The following TTC6 variants were observed in gnomAD, a reference collection of about 807,000 sequenced individuals.
TTC6 encodes the protein tetratricopeptide repeat protein 6.
A neutral mutation model predicts 210.4 loss-of-function variants in TTC6; 172 were observed. The ratio of observed to expected loss-of-function variants is 0.82; its 90% CI spans 0.72 to 0.93. The LOEUF is 0.93. Among genes scored for constraint, TTC6 ranks in the 40% least tolerant of loss-of-function variants. The probability of loss-of-function intolerance (pLI) is 0.00; values close to 1 mark genes in which losing one functional copy is unlikely to be tolerated. For missense variants in TTC6, 2,414 were observed against 2,318.1 expected (o/e 1.04, Z -0.85); for synonymous variants, 804 against 819.6 (o/e 0.98, Z 0.32).
At chr14:37,601,656 T>C (rs887805392) in intron 1 of TTC6, among the ~76,000 whole-genome samples, 1 of 152,220 alleles carries the variant, frequency 6.6e-6, no homozygotes, top group African/African-American at 2.4e-5. Flanking sequence ...CCTGAGAACC[T>C]TGAGCTTCCA....
intron 3 of TTC6, among the ~76,000 whole-genome samples, chr14:37,693,657 A>G (rs1453711454): frequency 6.6e-6 from 1 of 152,112 alleles, no homozygotes; most frequent in African/African-American, 2.4e-5. Context: ...ACAAAAACAA[A>G]AAATCTGGAG....
chr14:37,800,570 T>A (rs1036499461), intron 20 of TTC6, among the ~76,000 whole-genome samples: 1 of 152,164 alleles, frequency 6.6e-6, no homozygotes, highest in Non-Finnish European at 1.5e-5. Context: ...GGCAGAGTAT[T>A]CAGTCACACT....
At chr14:37,597,286 GACTTTCAGTGCTAA>G (rs1281540096) in intron 1 of TTC6, among the ~76,000 whole-genome samples, 2 of 152,086 alleles carry the variant, frequency 1.3e-5, no homozygotes, top group Non-Finnish European at 2.9e-5. Context: ...TGATCCGGGG[GACTTTCAGTGCTAA>G]TGAGCTTCCT....
At chr14:37,833,591 G>T (rs2096191055) in intron 29 of TTC6, among the ~76,000 whole-genome samples, 1 of 152,008 alleles carries the variant, frequency 6.6e-6, no homozygotes, top group African/African-American at 2.4e-5. Flanking sequence ...AATTTAAACT[G>T]GTTACATTCT....
chr14:37,722,604 A>G (rs1334312089), intron 6 of TTC6, among the ~76,000 whole-genome samples: 1 of 152,106 alleles, frequency 6.6e-6, no homozygotes, highest in Non-Finnish European at 1.5e-5. Flanking sequence ...TGGCCTCCCA[A>G]AGTTCTGGGA....
intron 10 of TTC6, among the ~76,000 whole-genome samples, chr14:37,741,237 A>G (rs773379470): frequency 1.6e-3 from 248 of 150,942 alleles, no homozygotes; most frequent in Non-Finnish European, 2.9e-3. Flanking sequence ...AACTTGAAAA[A>G]TAATTTTGTT....
At chr14:37,783,619 T>G (rs2139277578) in intron 14 of TTC6, among the ~76,000 whole-genome samples, 1 of 152,298 alleles carries the variant, frequency 6.6e-6, no homozygotes, top group Non-Finnish European at 1.5e-5. Flanking sequence ...ATTTTTTGTG[T>G]CTCTATCTCC....
At chr14:37,605,469 G>A (rs1285965349) in intron 1 of TTC6, among the ~76,000 whole-genome samples, 2 of 31,078 alleles carry the variant, frequency 6.4e-5, no homozygotes, top group African/African-American at 1.4e-4. Flanking sequence ...TGGTATGTGG[G>A]TGAGTGAGTA....
intron 25 of TTC6, among the ~76,000 whole-genome samples, chr14:37,816,243 C>T (rs1438741327): frequency 1.3e-5 from 2 of 152,192 alleles, no homozygotes; most frequent in African/African-American, 2.4e-5. Flanking sequence ...CCAGCAGGAT[C>T]TCTGAGTGCT....
In TTC6 at chr14:37,751,231, C is replaced by G; in HGVS notation, c.3129+6C>G. The G allele has an allele frequency of 6.6e-7, 1 of 1,514,524 alleles. No individual in the cohort carries two copies. The highest frequency in any genetic ancestry group is 8.8e-7 in the Non-Finnish European group (1 of 1,135,554). The allele number at this position is 1,514,524 out of a possible 1,614,324, so 93.8% of individuals were successfully genotyped here. On this transcript the variant is annotated splice_donor_region_variant and intron_variant, in intron 13 of 30. Transcript: ENST00000553443. Reference sequence around the variant, plus strand: ...CCATTGATGACTTTTCGAAAGTAAGCTTTATCACATATAATTCTACCATTT... The same window carrying G: ...CCATTGATGACTTTTCGAAAGTAAGGTTTATCACATATAATTCTACCATTT...
intron 1 of TTC6, among the ~76,000 whole-genome samples, chr14:37,651,037 T>C (rs1244165920): frequency 6.6e-6 from 1 of 152,180 alleles, no homozygotes; most frequent in African/African-American, 2.4e-5. Flanking sequence ...AGAAAACATA[T>C]AGAAGTATTA....
exon 19 of TTC6, chr14:37,796,331 G>A: frequency 7.8e-7 from 1 of 1,289,566 alleles, no homozygotes; most frequent in South Asian, 1.4e-5. Context: ...TTATGATCTT[G>A]CAAAGTTTAC....
chr14:37,821,772 C>CTTTTTT (rs35078384), intron 26 of TTC6, among the ~76,000 whole-genome samples: 100 of 69,126 alleles, frequency 1.4e-3, no homozygotes, highest in African/African-American at 1.5e-3. Flanking sequence ...AAGAGCTAGT[C>CTTTTTT]TTTTTTTTTT....
intron 21 of TTC6, among the ~76,000 whole-genome samples, chr14:37,805,481 C>T (rs71407741): frequency 0.069 from 10,355 of 151,032 alleles, 525 homozygotes; most frequent in South Asian, 0.13. Flanking sequence ...CTAATTCTTA[C>T]GTTCGTGGGG....
At chr14:37,759,685 G>A (rs1221519015) in intron 14 of TTC6, among the ~76,000 whole-genome samples, 1 of 152,100 alleles carries the variant, frequency 6.6e-6, no homozygotes, top group Non-Finnish European at 1.5e-5. Context: ...TTTCTTGGGG[G>A]CTTTGTTCAT....
intron 1 of TTC6, among the ~76,000 whole-genome samples, chr14:37,675,500 CTT>C (rs1315559186): frequency 6.6e-6 from 1 of 152,086 alleles, no homozygotes; most frequent in African/African-American, 2.4e-5. Flanking sequence ...CTTGTTTCTA[CTT>C]TTTGTCTATT....
chr14:37,787,437 G>T (rs2096070381), intron 14 of TTC6, 31 bp from the exon 17 acceptor site: 2 of 1,439,966 alleles, frequency 1.4e-6, no homozygotes, highest in South Asian at 2.7e-5. Flanking sequence ...ATACTTTACA[G>T]TACTTGTTAA....
intron 1 of TTC6, among the ~76,000 whole-genome samples, chr14:37,655,229 G>A (rs930529897): frequency 1.4e-4 from 21 of 151,972 alleles, no homozygotes; most frequent in African/African-American, 3.1e-4. Flanking sequence ...AAATATTTAC[G>A]ATAAAACATA....
chr14:37,838,671 T>G (rs892205362), intron 29 of TTC6, among the ~76,000 whole-genome samples: 13 of 152,350 alleles, frequency 8.5e-5, no homozygotes, highest in Non-Finnish European at 1.5e-4. Context: ...TTCTTCTTTT[T>G]TTTCTTGTTT....
Sources: gnomAD v4.1 joint callset for allele counts (sites outside exome capture counted in the v4.1 genomes callset) on GRCh38, gnomAD v4.1.1 for gene constraint, MANE v1.5 for transcripts, NCBI Gene and HGNC (gene_info 2026-07-23, HGNC 2026-07-21) for gene names.